The following PALS1 variants were observed in gnomAD, a reference collection of about 807,000 sequenced individuals.
PALS1 encodes the protein protein PALS1.
Under a neutral mutation model 78.9 loss-of-function variants are expected in PALS1, and 31 were observed. That is an observed-to-expected ratio of 0.39 (90% confidence interval 0.30 to 0.53). The LOEUF is 0.53. PALS1 is among the 20% of genes least tolerant of loss of function. The probability of loss-of-function intolerance (pLI) is 0.67; values close to 1 mark genes in which losing one functional copy is unlikely to be tolerated. For missense variants in PALS1, 704 were observed against 826.5 expected (o/e 0.85, Z 1.82); for synonymous variants, 276 against 270.9 (o/e 1.02, Z -0.18).
chr14:67,297,002 ACTTTTT>A (rs1244010479), intron 4 of PALS1, among the ~76,000 whole-genome samples: 2 of 152,206 alleles, frequency 1.3e-5, no homozygotes, highest in Non-Finnish European at 2.9e-5. Flanking sequence ...AAAATTCAGT[ACTTTTT>A]CTTTGTTGAT....
intron 14 of PALS1, among the ~76,000 whole-genome samples, chr14:67,331,848 G>T (rs1488066516): frequency 6.6e-6 from 1 of 152,180 alleles, no homozygotes; most frequent in Non-Finnish European, 1.5e-5. Flanking sequence ...AAAAATGTCA[G>T]TGTGTTCAGT....
At chr14:67,300,303 A>G (rs556164956) in intron 4 of PALS1, among the ~76,000 whole-genome samples, 285 of 150,494 alleles carry the variant, frequency 1.9e-3, no homozygotes, top group African/African-American at 6.6e-3. Flanking sequence ...CATAAAAGGT[A>G]TAGAATTACT....
chr14:67,281,410 G>A (rs1005768353), intron 3 of PALS1, among the ~76,000 whole-genome samples: 6 of 152,060 alleles, frequency 3.9e-5, no homozygotes, highest in Admixed American at 6.5e-5. Context: ...ACCTTTATGT[G>A]AAAGAATTTT....
chr14:67,268,575 C>T (rs1013855378), intron 1 of PALS1, among the ~76,000 whole-genome samples: 27 of 152,328 alleles, frequency 1.8e-4, no homozygotes, highest in African/African-American at 6.3e-4. Flanking sequence ...GAGGGTTCCT[C>T]CCCTTTTTAG....
chr14:67,333,607 G>GGC lies in PALS1; in HGVS notation c.*652_*653insCG. ...ACCAGTTTTTTTGCTCAGACTTTGT[G>GGC]GATCAGACTCTACACTCAACACACT... On this transcript the variant is annotated 3_prime_UTR_variant, in exon 15 of 15. Coordinates refer to ENST00000261681, the MANE Select transcript of PALS1 (RefSeq NM_022474.4). 6.6e-6 allele frequency: 1 copy of GGC among 152,578 alleles called. No individual in the cohort carries two copies. Among genetic ancestry groups the GGC allele is most frequent in the Non-Finnish European group, 1.5e-5 (1 of 67,990 alleles). The allele number at this position is 152,578 out of a possible 1,614,324, so 9.5% of individuals were successfully genotyped here.
At chr14:67,280,707 G>T (rs1343360777) in intron 3 of PALS1, among the ~76,000 whole-genome samples, 2 of 152,072 alleles carry the variant, frequency 1.3e-5, no homozygotes, top group Admixed American at 6.5e-5. Context: ...CCAGAATAGA[G>T]CACCTTTTTC....
intron 14 of PALS1, among the ~76,000 whole-genome samples, chr14:67,327,682 C>T (rs931247057): frequency 9.9e-4 from 150 of 152,022 alleles, no homozygotes; most frequent in African/African-American, 3.5e-3. Context: ...ATGTTCCCCA[C>T]CCTGTGTCCT....
intron 4 of PALS1, among the ~76,000 whole-genome samples, chr14:67,297,797 G>A (rs888484355): frequency 6.6e-6 from 1 of 152,172 alleles, no homozygotes; most frequent in Non-Finnish European, 1.5e-5. Context: ...ATATTTCAGT[G>A]CTATTTGTCA....
At chr14:67,289,863 T>C (rs1274413608) in intron 3 of PALS1, among the ~76,000 whole-genome samples, 1 of 149,328 alleles carries the variant, frequency 6.7e-6, no homozygotes, top group Non-Finnish European at 1.5e-5. Context: ...CTCTGCCTCC[T>C]GGGTTCACGC....
intron 2 of PALS1, among the ~76,000 whole-genome samples, chr14:67,274,801 C>G (rs560293742): frequency 1.4e-4 from 22 of 152,160 alleles, no homozygotes; most frequent in African/African-American, 3.1e-4. Flanking sequence ...ACTTGGTTGA[C>G]CAGTGGTTTC....
At chr14:67,295,908 G>T (rs1399820368) in intron 4 of PALS1, among the ~76,000 whole-genome samples, 1 of 152,152 alleles carries the variant, frequency 6.6e-6, no homozygotes, top group African/African-American at 2.4e-5. Flanking sequence ...CTTAAAAACA[G>T]ATGTTCATAG....
chr14:67,331,975 G>A (rs2085457248), intron 14 of PALS1, among the ~76,000 whole-genome samples: 1 of 152,174 alleles, frequency 6.6e-6, no homozygotes, highest in Non-Finnish European at 1.5e-5. Context: ...AGCCAGAGTT[G>A]TCATATTTTT....
chr14:67,314,363 T>A (rs2085137170), intron 9 of PALS1, among the ~76,000 whole-genome samples: 1 of 152,222 alleles, frequency 6.6e-6, no homozygotes, highest in Admixed American at 6.5e-5. Context: ...AATATTTACA[T>A]TTATTCTTTT....
At chr14:67,270,909 T>C (rs2084397608) in intron 2 of PALS1, 1 of 152,198 alleles carries the variant, frequency 6.6e-6, no homozygotes. Flanking sequence ...GAGGGAGGTC[T>C]TGAAGGTAGA....
Position 67,302,458 on chromosome 14 carries a change from G to C in PALS1, c.850G>C (p.Val284Leu). Residue 284 changes from valine (V) to leucine (L), a missense_variant, in exon 7 of 15, where the codon GTA (valine) becomes CTA (leucine). Transcript: ENST00000261681. ...GGACTCTGTCATCATTAGCCGGATA[G>C]TAAAAGGGGGTGCTGCAGAGAAAAG... ...EMDSVIISRI[V>L]KGGAAEKSGL... is the part of the protein sequence containing the mutation. 6.2e-7 allele frequency: 1 copy of C among 1,600,174 alleles called. No individual in the cohort carries two copies. The highest frequency in any genetic ancestry group is 8.5e-7 in the Non-Finnish European group (1 of 1,172,880).
chr14:67,245,232 C>T (rs2083970369), intron 1 of PALS1, among the ~76,000 whole-genome samples: 1 of 152,204 alleles, frequency 6.6e-6, no homozygotes, highest in African/African-American at 2.4e-5. Context: ...CATTGTCAGG[C>T]TGGGTTTGAA....
At chr14:67,284,793 G>A (rs944915828) in intron 3 of PALS1, among the ~76,000 whole-genome samples, 2 of 151,644 alleles carry the variant, frequency 1.3e-5, no homozygotes, top group Non-Finnish European at 2.9e-5. Context: ...ATGTTTTCAG[G>A]GTTCATCCAT....
At chr14:67,314,779 T>C (rs2085142819) in intron 9 of PALS1, among the ~76,000 whole-genome samples, 1 of 152,184 alleles carries the variant, frequency 6.6e-6, no homozygotes, top group South Asian at 2.1e-4. Flanking sequence ...CCATCAGAAT[T>C]AGACAGATTT....
chr14:67,256,524 G>GAGATACTT (rs2084147529), intron 1 of PALS1, among the ~76,000 whole-genome samples: 1 of 152,118 alleles, frequency 6.6e-6, no homozygotes, highest in South Asian at 2.1e-4. Context: ...ATAAATAAAT[G>GAGATACTT]AGATACTTTA....
Sources: allele counts gnomAD v4.1 joint callset (sites outside exome capture counted in the v4.1 genomes callset), GRCh38; gene constraint gnomAD v4.1.1; transcripts MANE v1.5; gene names NCBI Gene and HGNC (gene_info 2026-07-23, HGNC 2026-07-21).